ATXN2: variants seen among roughly 807,000 people sequenced by gnomAD.
ATXN2 encodes ataxin-2.
A neutral mutation model predicts 138.6 loss-of-function variants in ATXN2; 37 were observed. That is an observed-to-expected ratio of 0.27 (90% CI 0.21 to 0.35). The LOEUF is 0.35. Ranked by LOEUF, ATXN2 falls within the 10% of genes least tolerant of loss-of-function variation. The pLI, the probability that ATXN2 is intolerant of heterozygous loss-of-function variation, is 1.00. For missense variants in ATXN2, 1,216 were observed against 1,480.3 expected (o/e 0.82, Z 2.93); for synonymous variants, 549 against 543.7 (o/e 1.01, Z -0.13).
In ATXN2 at chr12:111,552,187, T is replaced by C. The variant is rs958563009; in HGVS notation, c.571+93A>G. 4 of 1,368,298 alleles carry C rather than the reference T, an allele frequency of 2.9e-6. No homozygotes were observed. The African/African-American group carries it at 6.0e-5, about 21-fold the overall frequency. 84.8% of individuals were successfully genotyped at this position (1,368,298 alleles called of 1,614,324 possible). A position where few individuals can be genotyped will look rare whatever the true frequency, so the allele number is the denominator to read the frequency against. On this transcript the variant is annotated intron_variant, in intron 5 of 24. Transcript: ENST00000673436. The surrounding 1 kb of genome is among the most constrained non-coding windows in gnomAD (Gnocchi z 4.1). ...TGAGCCGCCATACCCAGCCCAGATA[T>C]TTCTTTAAAAAAAGTTTGTAAGATC... is the stretch of plus-strand genomic sequence containing the variant.
At chr12:111,582,668 G>T (rs1315833811) in intron 1 of ATXN2, among the ~76,000 whole-genome samples, 1 of 152,068 alleles carries the variant, frequency 6.6e-6, no homozygotes, top group East Asian at 1.9e-4. Flanking sequence ...TTTTTTGTTT[G>T]TTTGTTTGTT....
In ATXN2 at chr12:111,598,133, G is replaced by T; in HGVS notation, c.251+651C>A. ...GGGGAGTTCGGGAGCCCCCGCCGCC[G>T]CCTCGGACACGAACGCAGAGGGGTG... On this transcript the variant is annotated intron_variant, in intron 1 of 24. Transcript: ENST00000673436. The surrounding 1 kb of genome is among the most constrained non-coding windows in gnomAD (Gnocchi z 4.5). The T allele has an allele frequency of 1.3e-5, 14 of 1,113,186 alleles. No individual in the cohort carries two copies. The highest frequency in any genetic ancestry group is 1.6e-5 in the Non-Finnish European group (14 of 900,542). The allele number at this position is 1,113,186 out of a possible 1,614,324, so 69.0% of individuals were successfully genotyped here. A position where few individuals can be genotyped will look rare whatever the true frequency, so the allele number is the denominator to read the frequency against.
intron 14 of ATXN2, among the ~76,000 whole-genome samples, chr12:111,493,698 G>T (rs368109870): frequency 7.9e-5 from 12 of 151,638 alleles, no homozygotes; most frequent in African/African-American, 2.9e-4. Context: ...GCGCGATCTC[G>T]GCTAACTGCA....
chr12:111,455,683 G>T (rs764954702), intron 23 of ATXN2: 11 of 365,910 alleles, frequency 3.0e-5, no homozygotes, highest in Non-Finnish European at 5.2e-5. Context: ...AGGTAAGTGT[G>T]TAGGGGAATA....
intron 1 of ATXN2, among the ~76,000 whole-genome samples, chr12:111,588,399 G>C (rs568864213): frequency 7.0e-4 from 107 of 152,122 alleles, no homozygotes; most frequent in Non-Finnish European, 1.4e-3. Context: ...AAGGCAGGTG[G>C]ATCACTTGAG....
chr12:111,472,479 A>G (rs1195626765), intron 18 of ATXN2, among the ~76,000 whole-genome samples: 1 of 152,234 alleles, frequency 6.6e-6, no homozygotes, highest in African/African-American at 2.4e-5. Context: ...ATGGAAGAGA[A>G]GTCCCTGGGT....
At chr12:111,520,138 C>T in intron 7 of ATXN2, 62 bp from the exon 8 acceptor site, 2 of 1,558,662 alleles carry the variant, frequency 1.3e-6, no homozygotes. Context: ...ATGTATCTGT[C>T]ATAATCAACT....
intron 18 of ATXN2, among the ~76,000 whole-genome samples, chr12:111,474,307 G>C (rs7484559): frequency 1.3e-5 from 2 of 151,972 alleles, no homozygotes; most frequent in East Asian, 3.9e-4. Flanking sequence ...TGTAATCCTA[G>C]CACTTTAGGA....
chr12:111,522,234 A>G (rs1323721295), intron 6 of ATXN2, among the ~76,000 whole-genome samples: 2 of 151,954 alleles, frequency 1.3e-5, no homozygotes, highest in African/African-American at 2.4e-5. Context: ...TACATAAAAA[A>G]AAAAAAAAAA....
chr12:111,505,202 C>A (rs1316853674), intron 14 of ATXN2, among the ~76,000 whole-genome samples: 1 of 152,002 alleles, frequency 6.6e-6, no homozygotes, highest in Non-Finnish European at 1.5e-5. Context: ...GAGCGAGATT[C>A]TGTGTCAAAA....
At position 111,513,524 on chromosome 12, in the gene ATXN2, G is replaced by T. The variant is rs1365172958; in HGVS notation, c.1391C>A (p.Ser464Tyr). 1 of 1,612,714 alleles carries T rather than the reference G, an allele frequency of 6.2e-7. No homozygotes were observed. The highest frequency in any genetic ancestry group is 8.5e-7 in the Non-Finnish European group (1 of 1,179,548). ...RMSSEGPPRM[S>Y]PKAQRHPRNH... Reference sequence around the variant, plus strand: ...TCGAGGATGTCGCTGGGCCTTTGGGGACATCCTTGGAGGCCCTAAGGAAGA... The same window carrying T: ...TCGAGGATGTCGCTGGGCCTTTGGGTACATCCTTGGAGGCCCTAAGGAAGA... Residue 464 changes from serine (S) to tyrosine (Y), a missense_variant, in exon 11 of 25, where the codon TCC becomes TAC. Around this residue, in one of 4 missense-constraint regions of ATXN2, gnomAD observed 401 missense variants for 528.1 expected, o/e 0.76. Transcript: ENST00000673436.
At chr12:111,546,202 G>T (rs1003442126) in intron 5 of ATXN2, among the ~76,000 whole-genome samples, 1 of 152,296 alleles carries the variant, frequency 6.6e-6, no homozygotes, top group East Asian at 1.9e-4. Flanking sequence ...GCAATTAGTT[G>T]TAAGTTTAAA....
At chr12:111,493,418 C>CAAAAAAAAAAAAA (rs59185968) in intron 14 of ATXN2, among the ~76,000 whole-genome samples, 4 of 45,632 alleles carry the variant, frequency 8.8e-5, no homozygotes, top group African/African-American at 4.0e-4. Context: ...GACTCTGTCT[C>CAAAAAAAAAAAAA]AAAAAAAAAA....
At chr12:111,456,397 G>A in intron 22 of ATXN2, 141 bp from the exon 23 acceptor site, 1 of 846,566 alleles carries the variant, frequency 1.2e-6, no homozygotes, top group Non-Finnish European at 1.9e-6. Flanking sequence ...AGGGTGGTAA[G>A]AGCAAGGCTG....
In ATXN2 at chr12:111,599,096, A is replaced by G. The variant is rs1323871955; in HGVS notation, c.-62T>C. ...GGGACAGCCGGGAGCCGGGCGCGCC[A>G]AGGAGACGCCGGAACGCGGCGGGGA... On this transcript the variant is annotated 5_prime_UTR_variant, in exon 1 of 25. Transcript: ENST00000673436. 8 of 1,327,774 alleles carry G rather than the reference A, an allele frequency of 6.0e-6. No homozygotes were observed. The highest frequency in any genetic ancestry group is 3.1e-5 in the African/African-American group (2 of 64,378). The allele number at this position is 1,327,774 out of a possible 1,614,324, so 82.2% of individuals were successfully genotyped here. A position where few individuals can be genotyped will look rare whatever the true frequency, so the allele number is the denominator to read the frequency against.
intron 23 of ATXN2, chr12:111,455,562 T>C (rs768341098): frequency 7.2e-6 from 2 of 276,364 alleles, no homozygotes; most frequent in Non-Finnish European, 1.4e-5. Flanking sequence ...GGGAAAACAA[T>C]TGGAGAGATG....
chr12:111,486,279 G>A (rs983104334), intron 16 of ATXN2, among the ~76,000 whole-genome samples: 10 of 152,058 alleles, frequency 6.6e-5, no homozygotes, highest in Admixed American at 6.6e-4. Flanking sequence ...TGTAGTATTC[G>A]CATACAACCT....
Position 111,554,181 on chromosome 12 carries a change from C to A in ATXN2, c.325G>T (p.Val109Phe). The A allele has an allele frequency of 6.7e-7, 1 of 1,492,374 alleles. No individual in the cohort carries two copies. The highest frequency in any genetic ancestry group is 9.0e-7 in the Non-Finnish European group (1 of 1,111,842). 92.4% of individuals were successfully genotyped at this position (1,492,374 alleles called of 1,614,324 possible). A position where few individuals can be genotyped will look rare whatever the true frequency, so the allele number is the denominator to read the frequency against. ...ACAACAACTGATGTAAGTATATGAA[C>A]CATCCTCATATTTGCATAGATTCCA... ...FDGIYANMRM[V>F]HILTSVVGSK... is the part of the protein sequence containing the mutation. Residue 109 changes from valine (V) to phenylalanine (F), a missense_variant, in exon 3 of 25, where the codon GTT becomes TTT. Coordinates refer to ENST00000673436, the MANE Select transcript of ATXN2 (RefSeq NM_001372574.1).
intron 5 of ATXN2, among the ~76,000 whole-genome samples, chr12:111,544,296 G>T (rs1881692322): frequency 6.6e-6 from 1 of 152,152 alleles, no homozygotes. Flanking sequence ...TCTGCTGGAT[G>T]ACTATATATG....
Sources: allele counts gnomAD v4.1 joint callset (sites outside exome capture counted in the v4.1 genomes callset), GRCh38; gene constraint gnomAD v4.1.1; regional missense constraint gnomAD v4.1.1; non-coding constraint Gnocchi (gnomAD v3.1); transcripts MANE v1.5; gene names NCBI Gene and HGNC (gene_info 2026-07-23, HGNC 2026-07-21).